GRM7: variants seen among roughly 807,000 people sequenced by gnomAD.
The protein encoded by GRM7 is metabotropic glutamate receptor 7.
GRM7 carries 35 observed loss-of-function variants against 84.5 expected under a neutral mutation model. That is an observed-to-expected ratio of 0.41 (90% CI 0.32 to 0.55). The LOEUF (loss-of-function observed/expected upper bound fraction) is 0.55, where lower values mean the gene tolerates loss of function less well. Among genes scored for constraint, GRM7 ranks in the 20% least tolerant of loss-of-function variants. The pLI, the probability that GRM7 is intolerant of heterozygous loss-of-function variation, is 0.19. For synonymous variants in GRM7, 487 were observed against 455.1 expected, an observed-to-expected ratio of 1.07 and a Z score of -0.89; for missense variants, 1,003 against 1,194.6, an observed-to-expected ratio of 0.84 and a Z score of 2.36.
In GRM7 at chr3:6,887,385, C is replaced by T. The variant is rs182944692; in HGVS notation, c.519+25478C>T. 3.6e-3 allele frequency among the ~76,000 whole-genome samples: 547 copies of T among 152,114 alleles called. 5 individuals carry two copies. The highest frequency in any genetic ancestry group is 0.012 in the African/African-American group (517 of 41,498). Reference sequence around the variant, plus strand: ...CCTAATGCTATCCCTCCCCCCTTCCCCCACCCCACAACAGTCCACAGAGTG... The same window carrying T: ...CCTAATGCTATCCCTCCCCCCTTCCTCCACCCCACAACAGTCCACAGAGTG... On this transcript the variant is annotated intron_variant, in intron 1 of 9. Coordinates refer to ENST00000357716, the MANE Select transcript of GRM7 (RefSeq NM_000844.4).
At chr3:7,515,340 G>A (rs897375982) in intron 7 of GRM7, among the ~76,000 whole-genome samples, 2 of 151,908 alleles carry the variant, frequency 1.3e-5, no homozygotes, top group African/African-American at 4.8e-5. Flanking sequence ...CCCGTGCATT[G>A]TAGCAGGTTT....
In GRM7 at chr3:7,350,865, C is replaced by T. The variant is rs374884071; in HGVS notation, c.1033+44213C>T. On this transcript the variant is annotated intron_variant, in intron 4 of 9. Coordinates refer to ENST00000357716, the MANE Select transcript of GRM7 (RefSeq NM_000844.4). ...AGTTTCATGAGGATTAAATCATAAG[C>T]AAGCTTTCTCTGTTATGAGGCATAA... Among the ~76,000 whole-genome samples, 15 of 152,190 alleles carry T rather than the reference C, an allele frequency of 9.9e-5. No homozygotes were observed. The South Asian group carries it at 1.2e-3, about 13-fold the overall frequency.
chr3:7,222,599 T>C (rs2124878625), intron 2 of GRM7, among the ~76,000 whole-genome samples: 1 of 152,246 alleles, frequency 6.6e-6, no homozygotes, highest in African/African-American at 2.4e-5. Context: ...CCTTGTGCAA[T>C]CCCTCAGCAG....
intron 4 of GRM7, among the ~76,000 whole-genome samples, chr3:7,317,413 A>T (rs1700622760): frequency 6.6e-6 from 1 of 152,120 alleles, no homozygotes; most frequent in Non-Finnish European, 1.5e-5. Flanking sequence ...CTAGAATACC[A>T]AGTTGATTTT....
Position 6,861,379 on chromosome 3 carries a change from C to T in GRM7, c.-10C>T, listed in dbSNP as rs1293667664. 3.3e-6 allele frequency: 5 copies of T among 1,513,418 alleles called. No homozygotes were observed. The highest frequency in any genetic ancestry group is 2.3e-4 in the Middle Eastern group (1 of 4,296). The allele number at this position is 1,513,418 out of a possible 1,614,324, so 93.7% of individuals were successfully genotyped here. A position where few individuals can be genotyped will look rare whatever the true frequency, so the allele number is the denominator to read the frequency against. The stretch of plus-strand genomic sequence containing the variant: ...AGCGCCGCCGCCGCCACCGCAGCAG[C>T]CGGAGCAGCATGGTCCAGCTGAGGA... On this transcript the variant is annotated 5_prime_UTR_variant, in exon 1 of 10. Coordinates refer to ENST00000357716, the MANE Select transcript of GRM7 (RefSeq NM_000844.4). This position sits in a 1 kb window ranked among gnomAD's most constrained non-coding sequence, Gnocchi z 6.4.
chr3:7,518,191 T>G (rs923826148), intron 7 of GRM7, among the ~76,000 whole-genome samples: 5 of 152,188 alleles, frequency 3.3e-5, no homozygotes, highest in African/African-American at 4.8e-5. Flanking sequence ...TGTGGTGTGA[T>G]TCCTTTTTCA....
chr3:7,254,389 C>G (rs1032060891), intron 2 of GRM7, among the ~76,000 whole-genome samples: 1 of 152,218 alleles, frequency 6.6e-6, no homozygotes, highest in Non-Finnish European at 1.5e-5. Context: ...CTCCTGTTTA[C>G]TGAACACTCA....
chr3:7,625,805 G>A (rs762054325), intron 8 of GRM7, among the ~76,000 whole-genome samples: 1 of 152,200 alleles, frequency 6.6e-6, no homozygotes, highest in African/African-American at 2.4e-5. Context: ...TGTAACATGT[G>A]CAGTTCAAAG....
intron 1 of GRM7, among the ~76,000 whole-genome samples, chr3:6,990,581 T>A (rs752448748): frequency 9.2e-5 from 14 of 152,140 alleles, no homozygotes; most frequent in Non-Finnish European, 1.5e-4. Flanking sequence ...GGGTGAGATG[T>A]CTCTGACTGT....
chr3:6,891,864 G>A (rs1695964712), intron 1 of GRM7, among the ~76,000 whole-genome samples: 1 of 152,132 alleles, frequency 6.6e-6, no homozygotes, highest in South Asian at 2.1e-4. Flanking sequence ...TCACTTTCAG[G>A]TAGGCCAATC....
At chr3:7,335,651 A>C (rs1187812615) in intron 4 of GRM7, among the ~76,000 whole-genome samples, 1 of 152,072 alleles carries the variant, frequency 6.6e-6, no homozygotes, top group Non-Finnish European at 1.5e-5. Flanking sequence ...AAATCAATAG[A>C]CCATTAGTGA....
chr3:7,694,129 G>T (rs1006423975), intron 9 of GRM7, among the ~76,000 whole-genome samples: 23 of 152,144 alleles, frequency 1.5e-4, no homozygotes. Context: ...ATCAGTAGGT[G>T]AAACTTTATC....
At chr3:7,146,332 G>A in intron 1 of GRM7, 120 bp from the exon 2 acceptor site, 2 of 762,060 alleles carry the variant, frequency 2.6e-6, no homozygotes, top group East Asian at 2.5e-5. Flanking sequence ...GTGGTGTTTG[G>A]CAAAACATGT....
intron 1 of GRM7, among the ~76,000 whole-genome samples, chr3:7,027,285 G>A (rs541454480): frequency 6.6e-6 from 1 of 152,222 alleles, no homozygotes; most frequent in East Asian, 1.9e-4. Flanking sequence ...TCCCATGCAG[G>A]ATTGTAAAAT....
chr3:6,942,056 AG>A (rs1697912630), intron 1 of GRM7, among the ~76,000 whole-genome samples: 1 of 152,216 alleles, frequency 6.6e-6, no homozygotes, highest in African/African-American at 2.4e-5. Flanking sequence ...GGTAAATCCA[AG>A]TGTTAATCAC....
At chr3:6,916,388 T>C (rs1696940560) in intron 1 of GRM7, among the ~76,000 whole-genome samples, 1 of 152,212 alleles carries the variant, frequency 6.6e-6, no homozygotes, top group African/African-American at 2.4e-5. Context: ...CTAAGTGCTA[T>C]TTGAACTGAG....
intron 9 of GRM7, among the ~76,000 whole-genome samples, chr3:7,683,255 G>A (rs1309939087): frequency 6.6e-6 from 1 of 152,070 alleles, no homozygotes; most frequent in Non-Finnish European, 1.5e-5. Flanking sequence ...CCAGGTAGAG[G>A]CCTCATTTGA....
intron 1 of GRM7, among the ~76,000 whole-genome samples, chr3:7,046,545 G>C (rs1696813864): frequency 6.6e-6 from 1 of 152,122 alleles, no homozygotes; most frequent in Non-Finnish European, 1.5e-5. Flanking sequence ...GCAACAGCCA[G>C]TTGTGTTGTA....
chr3:7,031,825 A>G (rs1696194852), intron 1 of GRM7, among the ~76,000 whole-genome samples: 1 of 152,124 alleles, frequency 6.6e-6, no homozygotes, highest in Non-Finnish European at 1.5e-5. Flanking sequence ...ACTGTGTAGC[A>G]CAAGGCCAAG....
Sources: gnomAD v4.1 joint callset for allele counts (sites outside exome capture counted in the v4.1 genomes callset) on GRCh38, gnomAD v4.1.1 for gene constraint, Gnocchi (gnomAD v3.1) non-coding constraint, MANE v1.5 for transcripts, NCBI Gene and HGNC (gene_info 2026-07-23, HGNC 2026-07-21) for gene names.